COG5: variants seen among roughly 807,000 people sequenced by gnomAD.
The protein encoded by COG5 is conserved oligomeric Golgi complex subunit 5.
COG5 carries 86 observed loss-of-function variants against 110.4 expected under a neutral mutation model. The observed-to-expected ratio is 0.78, with a 90% CI of 0.65 to 0.93. The LOEUF (loss-of-function observed/expected upper bound fraction) is 0.93, where lower values mean the gene tolerates loss of function less well. COG5 is among the 40% of genes least tolerant of loss of function. The pLI is 0.00. For missense variants in COG5, 1,077 were observed against 987.0 expected (o/e 1.09, Z -1.22); for synonymous variants, 360 against 334.6 (o/e 1.08, Z -0.83).
At chr7:107,453,447 G>T (rs1026998241) in intron 6 of COG5, among the ~76,000 whole-genome samples, 1 of 152,082 alleles carries the variant, frequency 6.6e-6, no homozygotes, top group Non-Finnish European at 1.5e-5. Flanking sequence ...CTCTCTTCCT[G>T]AACATCAGCA....
At chr7:107,369,384 C>CTTTTT (rs567770114) in intron 8 of COG5, among the ~76,000 whole-genome samples, 6 of 103,134 alleles carry the variant, frequency 5.8e-5, no homozygotes, top group African/African-American at 8.7e-5. Context: ...AACAAAAATT[C>CTTTTT]TTTTTTTTTT....
rs1402790578 is a variant in COG5, at chr7:107,403,414, G to A, written c.669+9088C>T. 2.0e-5 allele frequency among the ~76,000 whole-genome samples: 3 copies of A among 149,648 alleles called. No homozygotes were observed. In the East Asian group the frequency reaches 5.8e-4, roughly 29 times the overall value. On this transcript the variant is annotated intron_variant, in intron 7 of 21. Coordinates refer to ENST00000297135, the MANE Select transcript of COG5 (RefSeq NM_006348.5). ...TTTTTTTTTTTAAATTATACTTTAA[G>A]TTCTGGGATACATGTGTAGAATGTG... is the stretch of plus-strand genomic sequence containing the variant.
At chr7:107,323,271 G>A (rs748287083) in intron 11 of COG5, among the ~76,000 whole-genome samples, 2 of 152,218 alleles carry the variant, frequency 1.3e-5, no homozygotes, top group African/African-American at 2.4e-5. Flanking sequence ...GCTCATGCCT[G>A]TAATCCCAGC....
intron 10 of COG5, among the ~76,000 whole-genome samples, chr7:107,349,163 G>A (rs115553725): frequency 6.6e-6 from 1 of 152,130 alleles, no homozygotes; most frequent in Non-Finnish European, 1.5e-5. Flanking sequence ...CCAATTTACA[G>A]AAGTACAACT....
intron 14 of COG5, among the ~76,000 whole-genome samples, chr7:107,261,595 A>T (rs1052916545): frequency 3.3e-5 from 5 of 152,142 alleles, no homozygotes. Flanking sequence ...ATTGCTGTTG[A>T]CCCTGCAATA....
At chr7:107,306,747 C>T (rs1051379849) in intron 11 of COG5, among the ~76,000 whole-genome samples, 2 of 152,112 alleles carry the variant, frequency 1.3e-5, no homozygotes, top group Non-Finnish European at 2.9e-5. Context: ...AGCCTCAATC[C>T]ACTGGTGATA....
intron 10 of COG5, among the ~76,000 whole-genome samples, chr7:107,354,215 G>A (rs1812427902): frequency 6.6e-6 from 1 of 152,104 alleles, no homozygotes; most frequent in African/African-American, 2.4e-5. Flanking sequence ...TTTATTTAAG[G>A]AAGCATGATC....
intron 6 of COG5, among the ~76,000 whole-genome samples, chr7:107,444,083 A>G (rs1794871407): frequency 6.6e-6 from 1 of 152,192 alleles, no homozygotes; most frequent in Non-Finnish European, 1.5e-5. Context: ...CATCAGAGTA[A>G]ATATGTGTAG....
At chr7:107,526,004 G>A (rs1800703423) in intron 6 of COG5, among the ~76,000 whole-genome samples, 2 of 152,164 alleles carry the variant, frequency 1.3e-5, no homozygotes, top group African/African-American at 4.8e-5. Flanking sequence ...CAATGCTGTT[G>A]AAGCATTATT....
intron 7 of COG5, among the ~76,000 whole-genome samples, chr7:107,382,587 A>T (rs1434918538): frequency 6.6e-6 from 1 of 152,010 alleles, no homozygotes; most frequent in African/African-American, 2.4e-5. Context: ...ATAGGTGCCC[A>T]CCACCACGCC....
At chr7:107,441,464 C>G (rs936540344) in intron 6 of COG5, among the ~76,000 whole-genome samples, 35 of 152,024 alleles carry the variant, frequency 2.3e-4, no homozygotes, top group African/African-American at 8.2e-4. Flanking sequence ...CCTTCACTGT[C>G]ATTTTAGTGA....
intron 6 of COG5, among the ~76,000 whole-genome samples, chr7:107,478,323 A>G (rs1797111586): frequency 6.6e-6 from 1 of 151,946 alleles, no homozygotes; most frequent in Non-Finnish European, 1.5e-5. Flanking sequence ...GCCATTCATG[A>G]TAATTCTGTA....
At chr7:107,298,049 T>C in intron 12 of COG5, 93 bp downstream of exon 12, 1 of 555,762 alleles carries the variant, frequency 1.8e-6, no homozygotes, top group Non-Finnish European at 2.7e-6. Context: ...TGGTATATAC[T>C]TAATTTATAA....
chr7:107,218,482 T>C (rs575268628), intron 19 of COG5, among the ~76,000 whole-genome samples: 43 of 152,212 alleles, frequency 2.8e-4, no homozygotes, highest in African/African-American at 9.4e-4. Flanking sequence ...TAGAATAGCA[T>C]GGTACTGGCA....
At chr7:107,260,796 GAA>G (rs1342561894) in intron 14 of COG5, among the ~76,000 whole-genome samples, 2 of 151,952 alleles carry the variant, frequency 1.3e-5, no homozygotes, top group African/African-American at 4.8e-5. Context: ...ATATCAAAGT[GAA>G]AAAATGTAAG....
At chr7:107,388,821 G>A (rs1324718126) in intron 7 of COG5, among the ~76,000 whole-genome samples, 3 of 152,146 alleles carry the variant, frequency 2.0e-5, no homozygotes, top group East Asian at 1.9e-4. Context: ...ACACCATGGC[G>A]TGCCTAGGAC....
At chr7:107,264,646 T>C (rs1346183919) in intron 14 of COG5, among the ~76,000 whole-genome samples, 1 of 152,040 alleles carries the variant, frequency 6.6e-6, no homozygotes, top group Non-Finnish European at 1.5e-5. Flanking sequence ...TGAGTTAAGA[T>C]CACACCACTG....
At chr7:107,499,862 T>C (rs1188018419) in intron 6 of COG5, among the ~76,000 whole-genome samples, 1 of 152,144 alleles carries the variant, frequency 6.6e-6, no homozygotes, top group Non-Finnish European at 1.5e-5. Context: ...ATCTACATTT[T>C]TTTTCTGCAA....
chr7:107,562,551 G>C (rs1304680836), intron 1 of COG5, among the ~76,000 whole-genome samples: 1 of 152,096 alleles, frequency 6.6e-6, no homozygotes, highest in African/African-American at 2.4e-5. Context: ...CTACTAGATG[G>C]TGAACTACTT....
Sources: allele counts gnomAD v4.1 joint callset (sites outside exome capture counted in the v4.1 genomes callset), GRCh38; gene constraint gnomAD v4.1.1; transcripts MANE v1.5; gene names NCBI Gene and HGNC (gene_info 2026-07-23, HGNC 2026-07-21).